Variants in RABGEF1 observed in about 807,000 individuals in gnomAD.
RABGEF1 encodes the protein rab5 GDP/GTP exchange factor.
In RABGEF1, 26 loss-of-function variants were observed where a neutral mutation model predicts 57.3. That is an observed-to-expected ratio of 0.45 (90% CI 0.33 to 0.63). RABGEF1 has a LOEUF of 0.63. RABGEF1 is among the 20% of genes least tolerant of loss of function. RABGEF1 has a pLI of 0.02. For synonymous variants in RABGEF1, 185 were observed against 210.7 expected (o/e 0.88, Z 1.06); for missense variants, 464 against 607.6 (o/e 0.76, Z 2.48).
chr7:66,760,442 A>ATTTTTTTT (rs1024130038), intron 1 of RABGEF1, among the ~76,000 whole-genome samples: 8 of 126,138 alleles, frequency 6.3e-5, no homozygotes, highest in East Asian at 2.3e-4. Flanking sequence ...GTTAGCATGT[A>ATTTTTTTT]TTTTTTTTTT....
At chr7:66,696,699 A>G (rs1269994980) in intron 1 of RABGEF1, among the ~76,000 whole-genome samples, 1 of 122,326 alleles carries the variant, frequency 8.2e-6, no homozygotes, top group East Asian at 2.6e-4. Context: ...CAAAAAAAAA[A>G]AAAAAAAAAA....
At chr7:66,723,243 A>G (rs1202409770) in intron 2 of RABGEF1, among the ~76,000 whole-genome samples, 3 of 152,198 alleles carry the variant, frequency 2.0e-5, no homozygotes, top group African/African-American at 7.2e-5. Context: ...TGCTGGGATT[A>G]CAGGCATGAG....
chr7:66,704,739 A>G (rs1562715507), intron 1 of RABGEF1, among the ~76,000 whole-genome samples: 1 of 151,536 alleles, frequency 6.6e-6, no homozygotes, highest in Admixed American at 6.6e-5. Context: ...TGAACCCAGG[A>G]GGCGGAGTTT....
intron 1 of RABGEF1, among the ~76,000 whole-genome samples, chr7:66,747,889 G>A (rs1382110251): frequency 1.3e-5 from 2 of 151,962 alleles, no homozygotes; most frequent in Non-Finnish European, 2.9e-5. Context: ...ACAAAGATAC[G>A]TGCGACATAC....
intron 1 of RABGEF1, among the ~76,000 whole-genome samples, chr7:66,695,869 C>T (rs1271493700): frequency 1.3e-5 from 2 of 151,456 alleles, no homozygotes; most frequent in African/African-American, 2.4e-5. Context: ...AGGAGGCTGA[C>T]GCAGGAGTAT....
At chr7:66,744,582 G>A (rs1212475208) in intron 1 of RABGEF1, among the ~76,000 whole-genome samples, 1 of 151,120 alleles carries the variant, frequency 6.6e-6, no homozygotes, top group African/African-American at 2.4e-5. Flanking sequence ...GCAGGAGAAT[G>A]GCGTGAACCT....
the RABGEF1 span, among the ~76,000 whole-genome samples, chr7:66,658,718 A>C: frequency 6.6e-6 from 1 of 152,050 alleles, no homozygotes; most frequent in African/African-American, 2.4e-5. Context: ...CAAAAACTTG[A>C]AGAGGAGGAA....
At chr7:66,778,551 C>G (rs553640063) in intron 3 of RABGEF1, among the ~76,000 whole-genome samples, 1 of 152,264 alleles carries the variant, frequency 6.6e-6, no homozygotes, top group Non-Finnish European at 1.5e-5. Flanking sequence ...ATCTTGTGTA[C>G]CTCTTTCATG....
chr7:66,663,156 C>G, the RABGEF1 span, among the ~76,000 whole-genome samples: 3 of 152,244 alleles, frequency 2.0e-5, no homozygotes, highest in Non-Finnish European at 4.4e-5. Flanking sequence ...CAACCTATTC[C>G]TTTAATTCAG....
At chr7:66,789,360 A>G (rs1221354869) in intron 4 of RABGEF1, among the ~76,000 whole-genome samples, 2 of 152,190 alleles carry the variant, frequency 1.3e-5, no homozygotes, top group Admixed American at 6.5e-5. Context: ...CTCAGCATCT[A>G]TAAGTCATAA....
intron 1 of RABGEF1, among the ~76,000 whole-genome samples, chr7:66,747,283 A>G (rs1025449715): frequency 2.0e-5 from 3 of 152,188 alleles, no homozygotes; most frequent in Admixed American, 2.0e-4. Context: ...ATTTTCCCCC[A>G]GTAACAGTGA....
Position 66,805,305 on chromosome 7 carries a change from C to A in RABGEF1, c.986C>A (p.Pro329Gln). 1 of 1,614,190 alleles carries A rather than the reference C, an allele frequency of 6.2e-7. No homozygotes were observed. Among genetic ancestry groups the A allele is most frequent in the East Asian group, 2.2e-5 (1 of 44,882 alleles). Residue 329 changes from proline to glutamine, a missense_variant, in exon 8 of 9, where the codon CCA becomes CAA. This residue lies in a region of RABGEF1 where 284 missense variants were observed against 389.9 expected (regional missense o/e 0.73). Coordinates refer to ENST00000284957, the MANE Select transcript of RABGEF1 (RefSeq NM_014504.3). Reference sequence around the variant, plus strand: ...TACATTGTTTTGAAGGGCAACCCCCCACGCCTTCAGTCTAATATCCAGTAT... The same window carrying A: ...TACATTGTTTTGAAGGGCAACCCCCAACGCCTTCAGTCTAATATCCAGTAT... ...LIYIVLKGNP[P>Q]RLQSNIQYIT...
intron 2 of RABGEF1, chr7:66,773,817 C>T (rs1471215122): frequency 4.6e-6 from 2 of 430,930 alleles, no homozygotes; most frequent in East Asian, 1.4e-4. Flanking sequence ...AGAAGTATGC[C>T]ACCATGCCCA....
intron 3 of RABGEF1, among the ~76,000 whole-genome samples, chr7:66,781,936 A>C (rs1173094077): frequency 1.3e-5 from 2 of 152,194 alleles, no homozygotes; most frequent in African/African-American, 4.8e-5. Flanking sequence ...TTGAGGAGTT[A>C]ATCTGCTGTT....
Position 66,697,392 on chromosome 7 carries a change from C to T in RABGEF1, c.-872-14775C>T, listed in dbSNP as rs1201439766. 3.3e-5 allele frequency among the ~76,000 whole-genome samples: 5 copies of T among 152,210 alleles called. No homozygotes were observed. In the East Asian group the frequency reaches 7.7e-4, roughly 23 times the overall value. On this transcript the variant is annotated intron_variant and NMD_transcript_variant, in intron 1 of 9. Coordinates refer to the RABGEF1 transcript ENST00000607882. ...ATACTTGGGGATTCCAGGATCCTGA[C>T]ATTCTATAACATAATTTCTGTGTTG...
At chr7:66,789,710 A>G (rs1216364527) in intron 4 of RABGEF1, among the ~76,000 whole-genome samples, 1 of 136,032 alleles carries the variant, frequency 7.4e-6, no homozygotes, top group East Asian at 2.3e-4. Flanking sequence ...AAAAAAAAAG[A>G]TGTATTTGAT....
intron 1 of RABGEF1, among the ~76,000 whole-genome samples, chr7:66,690,824 C>G (rs1287952726): frequency 6.6e-6 from 1 of 151,230 alleles, no homozygotes; most frequent in African/African-American, 2.4e-5. Context: ...TGCCTCACCC[C>G]TAAAATTCCA....
chr7:66,777,608 G>A (rs888629921), intron 3 of RABGEF1, among the ~76,000 whole-genome samples: 6 of 152,076 alleles, frequency 3.9e-5, no homozygotes, highest in African/African-American at 1.2e-4. Flanking sequence ...ACAATTCAAT[G>A]CAGAGTCTGT....
At chr7:66,737,918 T>C (rs560453192), upstream of RABGEF1, among the ~76,000 whole-genome samples, 14 of 152,306 alleles carry the variant, frequency 9.2e-5, no homozygotes, top group East Asian at 2.3e-3. Flanking sequence ...GATATTTGCA[T>C]AGCAGCACAG....
Sources: gnomAD v4.1 joint callset for allele counts (sites outside exome capture counted in the v4.1 genomes callset) on GRCh38, gnomAD v4.1.1 for gene constraint, gnomAD v4.1.1 regional missense constraint, MANE v1.5 for transcripts, NCBI Gene and HGNC (gene_info 2026-07-23, HGNC 2026-07-21) for gene names.